The following PMPCB variants were observed in gnomAD, a reference collection of about 807,000 sequenced individuals.
PMPCB encodes the protein mitochondrial-processing peptidase subunit beta.
In PMPCB, 46 loss-of-function variants were observed where a neutral mutation model predicts 61.5. That is an observed-to-expected ratio of 0.75 (90% CI 0.59 to 0.96). The LOEUF (loss-of-function observed/expected upper bound fraction) is 0.96, where lower values mean the gene tolerates loss of function less well. Ranked by LOEUF, PMPCB falls within the 40% of genes least tolerant of loss-of-function variation. The pLI is 0.00. For synonymous variants in PMPCB, 191 were observed against 201.6 expected, an observed-to-expected ratio of 0.95 and a Z score of 0.44; for missense variants, 590 against 602.4, an observed-to-expected ratio of 0.98 and a Z score of 0.22.
downstream of PMPCB, chr7:103,316,814 T>C (rs764601762): frequency 5.0e-6 from 8 of 1,606,712 alleles, no homozygotes; most frequent in South Asian, 8.9e-5. Flanking sequence ...AAGAAAAGTT[T>C]CATTAAAACC....
rs750821694 is a variant in PMPCB, at chr7:103,322,009, A to G, written c.*1432-6922A>G. The stretch of plus-strand genomic sequence containing the variant: ...ATATCTTTTTCCTTCTTTGCCAGCA[A>G]TGCTTGCTGTCTGACTTCCTCCTCT... On this transcript the variant is annotated intron_variant and NMD_transcript_variant, in intron 12 of 12. Coordinates refer to the PMPCB transcript ENST00000444457. 1.4e-5 allele frequency: 23 copies of G among 1,613,794 alleles called. No homozygotes were observed. The South Asian group carries it at 2.3e-4, about 16-fold the overall frequency.
chr7:103,314,690 A>G, downstream of PMPCB: 1 of 980,878 alleles, frequency 1.0e-6, no homozygotes, highest in East Asian at 1.1e-4. Flanking sequence ...TAACTCAGCC[A>G]AACAAGTCAC....
chr7:103,300,371 T>C, intron 4 of PMPCB, 64 bp downstream of exon 4: 1 of 1,268,020 alleles, frequency 7.9e-7, no homozygotes. Flanking sequence ...TATTTAGTAC[T>C]ATTTTTATTA....
intron 12 of PMPCB, chr7:103,327,878 AT>A: frequency 1.7e-6 from 1 of 586,026 alleles, no homozygotes; most frequent in Non-Finnish European, 3.0e-6. Flanking sequence ...ACAGTAAAAT[AT>A]ATGCTTATTC....
intron 8 of PMPCB, 129 bp downstream of exon 8, chr7:103,309,224 A>T: frequency 1.5e-6 from 1 of 683,152 alleles, no homozygotes; most frequent in East Asian, 3.3e-5. Context: ...TTCTGACTTA[A>T]AAATATAAAC....
rs1817792056 is a variant in PMPCB at position 103,312,350 on chromosome 7, A to G, written c.*79A>G. 1.9e-6 allele frequency: 3 copies of G among 1,573,708 alleles called. No individual in the cohort carries two copies. The highest frequency in any genetic ancestry group is 2.7e-5 in the African/African-American group (2 of 73,278). ...GAAAAATAAAAATGAACATGTATAT[A>G]CATTTGGAAATTTGAATTAAATACT... On this transcript the variant is annotated 3_prime_UTR_variant, in exon 13 of 13. Coordinates refer to ENST00000249269, the MANE Select transcript of PMPCB (RefSeq NM_004279.3).
chr7:103,300,146 T>C (rs768480600), intron 3 of PMPCB, 32 bp from the exon 4 acceptor site: 4 of 1,591,510 alleles, frequency 2.5e-6, no homozygotes, highest in Non-Finnish European at 2.6e-6. Flanking sequence ...AAAGGGAGTT[T>C]GCATAATTTG....
At chr7:103,323,480 T>C in intron 12 of PMPCB, 1 of 1,081,340 alleles carries the variant, frequency 9.2e-7, no homozygotes, top group Non-Finnish European at 1.3e-6. Context: ...AAAAAATTGT[T>C]TAAAAAAGAT....
Position 103,311,491 on chromosome 7 carries a change from G to A in PMPCB, c.1155-152G>A, listed in dbSNP as rs530528048. The A allele has an allele frequency of 2.4e-5, 15 of 615,922 alleles. No individual in the cohort carries two copies. In the African/African-American group the frequency reaches 2.6e-4, roughly 11 times the overall value. 38.2% of individuals were successfully genotyped at this position (615,922 alleles called of 1,614,324 possible). On this transcript the variant is annotated intron_variant, in intron 9 of 12. Coordinates refer to ENST00000249269, the MANE Select transcript of PMPCB (RefSeq NM_004279.3). ...GTATCATTTTTGAGAAATTAATACT[G>A]GGGAAAATAATCATTTTAGCTTTTG... is the stretch of plus-strand genomic sequence containing the variant.
chr7:103,311,634 G>A lies in PMPCB; in HGVS notation c.1155-9G>A, dbSNP rs199744842. 31 of 1,607,266 alleles carry A rather than the reference G, an allele frequency of 1.9e-5. No homozygotes were observed. In the African/African-American group the frequency reaches 2.0e-4, roughly 10 times the overall value. On this transcript the variant is annotated splice_polypyrimidine_tract_variant and intron_variant, in intron 9 of 12. Transcript: ENST00000249269. ...TTTCCAACTACTACTGTTTTTCCAC[G>A]TTTTTTAGGATGCGACTCTGTACAA...
the PMPCB span, among the ~76,000 whole-genome samples, chr7:103,338,832 C>T: frequency 2.6e-5 from 4 of 151,990 alleles, no homozygotes; most frequent in Non-Finnish European, 5.9e-5. Flanking sequence ...ATTGCTTGAA[C>T]CTGGGAGGCG....
chr7:103,331,533 G>A (rs1303339301), downstream of PMPCB, among the ~76,000 whole-genome samples: 1 of 151,944 alleles, frequency 6.6e-6, no homozygotes, highest in Non-Finnish European at 1.5e-5. Flanking sequence ...CTCAGCCTCT[G>A]GTATCTATCA....
the PMPCB span, chr7:103,344,662 G>T: frequency 6.3e-7 from 1 of 1,598,536 alleles, no homozygotes; most frequent in South Asian, 1.1e-5. Flanking sequence ...AGCGGCTCAC[G>T]TCCCGGGCGG....
the PMPCB span, among the ~76,000 whole-genome samples, chr7:103,341,344 A>G: frequency 6.6e-6 from 1 of 152,146 alleles, no homozygotes; most frequent in Admixed American, 6.5e-5. Context: ...GACACAACAG[A>G]GTTTGGTCTA....
At position 103,311,706 on chromosome 7, in the gene PMPCB, A is replaced by T; in HGVS notation, c.1218A>T (p.Thr406=). The change falls in exon 10 of 13, where the codon ACA becomes ACT. Residue 406 remains threonine, a synonymous_variant. Transcript: ENST00000249269. The part of the protein sequence containing the change: ...EVARARNLLK[T]NMLLQLDGST... ...CACGAGCCAGAAATCTTCTGAAAAC[A>T]AACATGTTGTTGCAGCTTGATGGTA... 1 of 1,614,018 alleles carries T rather than the reference A, an allele frequency of 6.2e-7. No individual in the cohort carries two copies. The highest frequency in any genetic ancestry group is 1.7e-5 in the Admixed American group (1 of 60,032).
intron 4 of PMPCB, among the ~76,000 whole-genome samples, chr7:103,301,284 C>T (rs1268882462): frequency 6.6e-6 from 1 of 152,190 alleles, no homozygotes; most frequent in African/African-American, 2.4e-5. Flanking sequence ...AAACCTATCA[C>T]TTGTAAATAA....
At chr7:103,298,516 C>A in intron 1 of PMPCB, 52 bp from the exon 2 acceptor site, 1 of 1,527,066 alleles carries the variant, frequency 6.5e-7, no homozygotes, top group South Asian at 1.2e-5. Context: ...CATTTAATAT[C>A]AGATTAGTAA....
At chr7:103,341,819 T>C in the PMPCB span, 2 of 1,609,898 alleles carry the variant, frequency 1.2e-6, no homozygotes, top group East Asian at 4.5e-5. Context: ...CAACTGCAAT[T>C]CTTCATCTTC....
At chr7:103,304,170 G>A in intron 5 of PMPCB, 130 bp downstream of exon 5, 2 of 768,242 alleles carry the variant, frequency 2.6e-6, no homozygotes, top group Non-Finnish European at 4.2e-6. Flanking sequence ...ACTGTAGTTA[G>A]CTACATTTTA....
Sources: gnomAD v4.1 joint callset for allele counts (sites outside exome capture counted in the v4.1 genomes callset) on GRCh38, gnomAD v4.1.1 for gene constraint, MANE v1.5 for transcripts, NCBI Gene and HGNC (gene_info 2026-07-23, HGNC 2026-07-21) for gene names.